PRKG1: variants seen among roughly 807,000 people sequenced by gnomAD.
The protein encoded by PRKG1 is cGMP-dependent protein kinase 1.
A neutral mutation model predicts 88.1 loss-of-function variants in PRKG1; 35 were observed. The observed-to-expected ratio is 0.40, with a 90% CI of 0.30 to 0.53. The LOEUF (loss-of-function observed/expected upper bound fraction) is 0.53, where lower values mean the gene tolerates loss of function less well. Ranked by LOEUF, PRKG1 falls within the 20% of genes least tolerant of loss-of-function variation. The probability of loss-of-function intolerance (pLI) is 0.59; values close to 1 mark genes in which losing one functional copy is unlikely to be tolerated. For synonymous variants in PRKG1, 303 were observed against 292.5 expected, an observed-to-expected ratio of 1.04 and a Z score of -0.37; for missense variants, 540 against 839.8, an observed-to-expected ratio of 0.64 and a Z score of 4.41.
chr10:51,182,241 A>G (rs74133509), intron 2 of PRKG1, among the ~76,000 whole-genome samples: 8,074 of 152,270 alleles, frequency 0.053, 402 homozygotes, highest in African/African-American at 0.13. Context: ...TGAAGAATGA[A>G]AAATCTGCTA....
intron 12 of PRKG1, among the ~76,000 whole-genome samples, chr10:52,274,267 T>G (rs923454094): frequency 6.6e-5 from 10 of 152,138 alleles, no homozygotes; most frequent in Non-Finnish European, 1.3e-4. Context: ...CTTCTATCCC[T>G]CACCCCCCTC....
chr10:51,802,813 C>T (rs887763583), intron 3 of PRKG1, among the ~76,000 whole-genome samples: 4 of 152,120 alleles, frequency 2.6e-5, no homozygotes, highest in Non-Finnish European at 5.9e-5. Context: ...AATGCCTGGG[C>T]TTGAGGTGCG....
chr10:50,994,271 A>G (rs1401270356), intron 1 of PRKG1, among the ~76,000 whole-genome samples: 2 of 152,338 alleles, frequency 1.3e-5, no homozygotes, highest in Non-Finnish European at 2.9e-5. Context: ...TGGCCAAGAA[A>G]GGAAATAATT....
At chr10:51,532,123 T>C (rs1842034231) in intron 3 of PRKG1, among the ~76,000 whole-genome samples, 1 of 152,204 alleles carries the variant, frequency 6.6e-6, no homozygotes, top group Admixed American at 6.5e-5. Flanking sequence ...CCTCTCTCAG[T>C]GAGGGAAGTT....
intron 3 of PRKG1, chr10:51,698,294 T>G (rs775981203): frequency 6.8e-6 from 11 of 1,614,132 alleles, no homozygotes; most frequent in Non-Finnish European, 9.3e-6. Flanking sequence ...GGCACGAGTC[T>G]CCATCGCTCG....
chr10:51,701,737 G>A (rs1392153237), intron 3 of PRKG1, among the ~76,000 whole-genome samples: 2 of 126,498 alleles, frequency 1.6e-5, no homozygotes, highest in Non-Finnish European at 3.3e-5. Flanking sequence ...TGTATTAAAT[G>A]TAGTAATCAT....
At chr10:51,589,378 C>T (rs963142793) in intron 3 of PRKG1, among the ~76,000 whole-genome samples, 1 of 152,148 alleles carries the variant, frequency 6.6e-6, no homozygotes, top group Admixed American at 6.5e-5. Context: ...AATCCCAGCA[C>T]TTTGGGAGGC....
chr10:51,547,608 A>G (rs1202835504), intron 3 of PRKG1, among the ~76,000 whole-genome samples: 1 of 152,064 alleles, frequency 6.6e-6, no homozygotes, highest in African/African-American at 2.4e-5. Context: ...CCTTACAGCA[A>G]TTAGATTTTA....
intron 2 of PRKG1, among the ~76,000 whole-genome samples, chr10:51,450,732 G>A (rs951945233): frequency 1.3e-5 from 2 of 151,844 alleles, no homozygotes; most frequent in African/African-American, 2.4e-5. Flanking sequence ...TGGAAGGGAT[G>A]AGATACTTAG....
At chr10:52,176,645 A>G (rs10824204) in intron 9 of PRKG1, among the ~76,000 whole-genome samples, 42,022 of 152,054 alleles carry the variant, frequency 0.28, 6,047 homozygotes, top group East Asian at 0.51. Flanking sequence ...ATTCTGATCC[A>G]TGAGTATAAG....
chr10:51,680,348 G>A (rs1301856784), intron 3 of PRKG1, among the ~76,000 whole-genome samples: 6 of 151,008 alleles, frequency 4.0e-5, no homozygotes, highest in Non-Finnish European at 7.4e-5. Flanking sequence ...TGAGCCCCTT[G>A]CTCGGGCCCA....
At chr10:51,611,287 T>C (rs538300927) in intron 3 of PRKG1, among the ~76,000 whole-genome samples, 1 of 152,294 alleles carries the variant, frequency 6.6e-6, no homozygotes, top group Non-Finnish European at 1.5e-5. Context: ...CCAACGTCTA[T>C]TATTTTTTGT....
chr10:52,229,808 CA>C (rs1378216640), intron 9 of PRKG1, among the ~76,000 whole-genome samples: 1 of 152,106 alleles, frequency 6.6e-6, no homozygotes, highest in Non-Finnish European at 1.5e-5. Flanking sequence ...TCGTAAATTC[CA>C]TATTTACTGA....
At chr10:51,362,322 A>G (rs547515361) in intron 2 of PRKG1, among the ~76,000 whole-genome samples, 2 of 152,028 alleles carry the variant, frequency 1.3e-5, no homozygotes, top group South Asian at 4.1e-4. Flanking sequence ...CTATGTGTTC[A>G]TAAAAGTGTA....
intron 3 of PRKG1, among the ~76,000 whole-genome samples, chr10:51,526,572 A>G (rs1003226349): frequency 6.6e-6 from 1 of 152,218 alleles, no homozygotes; most frequent in Non-Finnish European, 1.5e-5. Context: ...TTTTTAAAAA[A>G]TTTAATAAGA....
At chr10:52,133,978 TC>T in intron 8 of PRKG1, 73 bp downstream of exon 8, 1 of 1,155,574 alleles carries the variant, frequency 8.7e-7, no homozygotes, top group Non-Finnish European at 1.3e-6. Flanking sequence ...GAATTAGACA[TC>T]ATTTTATGGA....
chr10:51,788,843 T>C (rs1357266083), intron 3 of PRKG1, among the ~76,000 whole-genome samples: 1 of 152,172 alleles, frequency 6.6e-6, no homozygotes, highest in Non-Finnish European at 1.5e-5. Flanking sequence ...AGGGGGCTAA[T>C]AGACATATAA....
At chr10:51,089,587 C>T (rs1844348071) in intron 1 of PRKG1, among the ~76,000 whole-genome samples, 1 of 152,120 alleles carries the variant, frequency 6.6e-6, no homozygotes, top group African/African-American at 2.4e-5. Context: ...AACACCTAAT[C>T]CTATAAAAAA....
intron 1 of PRKG1, among the ~76,000 whole-genome samples, chr10:51,087,973 T>G (rs1844297715): frequency 6.6e-6 from 1 of 152,138 alleles, no homozygotes; most frequent in South Asian, 2.1e-4. Context: ...CTGTGTTACT[T>G]AGGCTGGTCT....
Sources: gnomAD v4.1 joint callset for allele counts (sites outside exome capture counted in the v4.1 genomes callset) on GRCh38, gnomAD v4.1.1 for gene constraint, MANE v1.5 for transcripts, NCBI Gene and HGNC (gene_info 2026-07-23, HGNC 2026-07-21) for gene names.